Variants in SHPRH observed in about 807,000 individuals in gnomAD.
SHPRH encodes the protein E3 ubiquitin-protein ligase SHPRH.
SHPRH carries 106 observed loss-of-function variants against 202.5 expected under a neutral mutation model. The ratio of observed to expected loss-of-function variants is 0.52; its 90% CI spans 0.45 to 0.62. SHPRH has a LOEUF of 0.62. Among genes scored for constraint, SHPRH ranks in the 20% least tolerant of loss-of-function variants. The pLI is 0.00. For missense variants in SHPRH, 1,710 were observed against 2,020.0 expected, an observed-to-expected ratio of 0.85 and a Z score of 2.94; for synonymous variants, 729 against 686.0, an observed-to-expected ratio of 1.06 and a Z score of -0.98.
intron 11 of SHPRH, among the ~76,000 whole-genome samples, chr6:145,938,183 C>T (rs1477848996): frequency 1.3e-5 from 2 of 151,658 alleles, no homozygotes; most frequent in African/African-American, 4.9e-5. Context: ...GGGTGGAACC[C>T]TCATGAGTGG....
chr6:145,940,984 T>C (rs896980352), intron 10 of SHPRH, among the ~76,000 whole-genome samples, 183 bp from the exon 11 acceptor site: 1 of 152,216 alleles, frequency 6.6e-6, no homozygotes, highest in Non-Finnish European at 1.5e-5. Flanking sequence ...CATCTTCCAG[T>C]ACAGTGGTTC....
chr6:145,914,421 T>A (rs1783769303), intron 23 of SHPRH, among the ~76,000 whole-genome samples: 1 of 152,186 alleles, frequency 6.6e-6, no homozygotes, highest in South Asian at 2.1e-4. Context: ...GACATTTATA[T>A]AAATGGTGAG....
intron 13 of SHPRH, among the ~76,000 whole-genome samples, chr6:145,934,071 G>C (rs1785762529): frequency 6.6e-6 from 1 of 152,116 alleles, no homozygotes; most frequent in South Asian, 2.1e-4. Context: ...AGGTGTGGTG[G>C]TTCATGCCTG....
chr6:145,875,918 A>G (rs1469881967), intron 2 of SHPRH, among the ~76,000 whole-genome samples: 1 of 152,178 alleles, frequency 6.6e-6, no homozygotes, highest in Non-Finnish European at 1.5e-5. Context: ...TTCATCTACA[A>G]TTGGCTCTGC....
At chr6:145,943,063 A>G (rs941582620) in intron 9 of SHPRH, 80 bp downstream of exon 9, 2 of 1,466,164 alleles carry the variant, frequency 1.4e-6, no homozygotes, top group Admixed American at 2.3e-5. Flanking sequence ...ATAAACCACA[A>G]AGAAACAAAG....
chr6:145,905,731 T>A (rs887144573), intron 25 of SHPRH: 3 of 152,056 alleles, frequency 2.0e-5, no homozygotes, highest in Admixed American at 2.0e-4. Context: ...GTTGGCTATA[T>A]CCACAGATAC....
At chr6:145,963,654 C>A (rs1440154798) in intron 1 of SHPRH, 77 bp downstream of exon 1, 2 of 152,224 alleles carry the variant, frequency 1.3e-5, no homozygotes, top group African/African-American at 2.4e-5. Flanking sequence ...TTTACTAATA[C>A]AATGCCGCGC....
intron 2 of SHPRH, among the ~76,000 whole-genome samples, chr6:145,875,529 T>C (rs1780261943): frequency 6.6e-6 from 1 of 152,186 alleles, no homozygotes; most frequent in Admixed American, 6.5e-5. Flanking sequence ...TAGGGTTGTA[T>C]TTCTAGAACA....
downstream of SHPRH, among the ~76,000 whole-genome samples, chr6:145,882,493 T>C (rs1474292429): frequency 6.6e-6 from 1 of 152,198 alleles, no homozygotes; most frequent in Non-Finnish European, 1.5e-5. Context: ...TAATAGCGGA[T>C]TCACTTATAA....
intron 14 of SHPRH, among the ~76,000 whole-genome samples, chr6:145,932,514 T>TG (rs1231431050): frequency 6.6e-6 from 1 of 152,180 alleles, no homozygotes; most frequent in Non-Finnish European, 1.5e-5. Flanking sequence ...GTTCTGTGTG[T>TG]GTGTGTGGGA....
downstream of SHPRH, among the ~76,000 whole-genome samples, chr6:145,859,253 A>T (rs570526355): frequency 1.3e-5 from 2 of 152,000 alleles, no homozygotes; most frequent in African/African-American, 2.4e-5. Context: ...TTAACCTGTG[A>T]TATTAATTGT....
chr6:145,860,521 A>T (rs982842309), downstream of SHPRH, among the ~76,000 whole-genome samples: 9 of 152,160 alleles, frequency 5.9e-5, no homozygotes, highest in African/African-American at 2.2e-4. Context: ...ATAGAAGGAC[A>T]TTCTGTGTTC....
intron 16 of SHPRH, 79 bp from the exon 17 acceptor site, chr6:145,924,925 C>T: frequency 9.3e-7 from 1 of 1,070,636 alleles, no homozygotes; most frequent in Non-Finnish European, 1.4e-6. Flanking sequence ...AAGAATGGGT[C>T]ATTTTATACA....
At chr6:145,909,031 C>CG (rs944615076) in intron 25 of SHPRH, 1 of 151,930 alleles carries the variant, frequency 6.6e-6, no homozygotes, top group Non-Finnish European at 1.5e-5. Flanking sequence ...TTGTTTTTGT[C>CG]GGGTCTGTCA....
At chr6:145,963,082 A>C (rs1789264137) in intron 1 of SHPRH, among the ~76,000 whole-genome samples, 1 of 152,236 alleles carries the variant, frequency 6.6e-6, no homozygotes, top group Non-Finnish European at 1.5e-5. Context: ...AAACTATTTT[A>C]TTCTCAATTG....
intron 26 of SHPRH, among the ~76,000 whole-genome samples, chr6:145,894,528 G>A (rs1399602999): frequency 2.7e-5 from 4 of 150,750 alleles, no homozygotes; most frequent in Non-Finnish European, 2.9e-5. Flanking sequence ...CTTAGTTTTC[G>A]AAAATGAAAA....
At position 145,886,749 on chromosome 6, in the gene SHPRH, A is replaced by G; in HGVS notation, c.4994T>C (p.Val1665Ala). The change falls in exon 30 of 30, where the codon GTC (valine) becomes GCC (alanine). Residue 1665 changes from valine to alanine, a missense_variant. Val to Ala is a moderately conservative substitution (Grantham distance 64). Coordinates refer to ENST00000275233, the MANE Select transcript of SHPRH (RefSeq NM_001042683.3). The part of the protein sequence containing the change: ...NSSAKHSEAS[V>A]LTVADLADLF... Reference sequence around the variant, plus strand: ...GTCTGCCAGGTCAGCCACAGTCAAGACAGAGGCCTCTGAATGCTTTGCTGA... The same window carrying G: ...GTCTGCCAGGTCAGCCACAGTCAAGGCAGAGGCCTCTGAATGCTTTGCTGA... 6.2e-7 allele frequency: 1 copy of G among 1,613,782 alleles called. No homozygotes were observed. Among genetic ancestry groups the G allele is most frequent in the Non-Finnish European group, 8.5e-7 (1 of 1,179,778 alleles).
intron 14 of SHPRH, 67 bp downstream of exon 14, chr6:145,932,990 T>A: frequency 6.5e-7 from 1 of 1,543,970 alleles, no homozygotes; most frequent in South Asian, 1.2e-5. Flanking sequence ...CAAAATCTAT[T>A]TTTTCTATAA....
At chr6:145,957,101 T>C (rs1186473794) in intron 1 of SHPRH, among the ~76,000 whole-genome samples, 1 of 152,262 alleles carries the variant, frequency 6.6e-6, no homozygotes, top group South Asian at 2.1e-4. Flanking sequence ...CAATTGATTT[T>C]TGAAAGAAGT....
Sources: gnomAD v4.1 joint callset for allele counts (sites outside exome capture counted in the v4.1 genomes callset) on GRCh38, gnomAD v4.1.1 for gene constraint, MANE v1.5 for transcripts, NCBI Gene and HGNC (gene_info 2026-07-23, HGNC 2026-07-21) for gene names.